GNA14: variants seen among roughly 807,000 people sequenced by gnomAD.
GNA14 encodes guanine nucleotide-binding protein subunit alpha-14.
Under a neutral mutation model 42.0 loss-of-function variants are expected in GNA14, and 50 were observed. That is an observed-to-expected ratio of 1.19 (90% CI 0.95 to 1.51). GNA14 has a LOEUF of 1.51. Among genes scored for constraint, GNA14 ranks in the 40% most tolerant of loss-of-function variants. GNA14 has a pLI of 0.00. For missense variants in GNA14, 473 were observed against 446.2 expected (o/e 1.06, Z -0.54); for synonymous variants, 173 against 163.1 (o/e 1.06, Z -0.46).
intron 2 of GNA14, 71 bp downstream of exon 2, chr9:77,528,998 G>T: frequency 7.8e-7 from 1 of 1,285,856 alleles, no homozygotes; most frequent in Non-Finnish European, 1.1e-6. Flanking sequence ...AGCACTGAGG[G>T]AATCTTTGTG....
chr9:77,437,488 G>A (rs1414183162), intron 2 of GNA14, among the ~76,000 whole-genome samples: 2 of 151,938 alleles, frequency 1.3e-5, no homozygotes, highest in African/African-American at 4.8e-5. Context: ...AGAGGTTGCA[G>A]TGAGACACAG....
At chr9:77,542,370 G>C (rs886750863) in intron 1 of GNA14, among the ~76,000 whole-genome samples, 1 of 152,214 alleles carries the variant, frequency 6.6e-6, no homozygotes, top group Non-Finnish European at 1.5e-5. Flanking sequence ...CTGTGGTGAA[G>C]TTTTACTGGG....
At chr9:77,599,800 A>G (rs1250299665) in intron 1 of GNA14, among the ~76,000 whole-genome samples, 5 of 152,118 alleles carry the variant, frequency 3.3e-5, no homozygotes, top group South Asian at 2.1e-4. Context: ...ACCAAGTTAC[A>G]TTGAGGTTTA....
At chr9:77,509,663 A>G (rs1837127640) in intron 2 of GNA14, among the ~76,000 whole-genome samples, 1 of 152,236 alleles carries the variant, frequency 6.6e-6, no homozygotes, top group African/African-American at 2.4e-5. Context: ...GGTGGAGAAC[A>G]GGATGTGCAG....
At chr9:77,544,220 G>T (rs557085320) in intron 1 of GNA14, among the ~76,000 whole-genome samples, 1 of 152,218 alleles carries the variant, frequency 6.6e-6, no homozygotes, top group African/African-American at 2.4e-5. Context: ...AAAATACAGA[G>T]AATCTTAAGA....
chr9:77,590,245 C>A (rs1012909100), intron 1 of GNA14, among the ~76,000 whole-genome samples: 2 of 152,074 alleles, frequency 1.3e-5, no homozygotes, highest in Admixed American at 1.3e-4. Context: ...CAGCAAAACT[C>A]CCCATCATTT....
intron 1 of GNA14, among the ~76,000 whole-genome samples, chr9:77,565,894 A>C (rs1484394402): frequency 6.6e-6 from 1 of 152,186 alleles, no homozygotes; most frequent in Non-Finnish European, 1.5e-5. Context: ...AGAAGAAAAA[A>C]AGTGCCACAG....
intron 2 of GNA14, among the ~76,000 whole-genome samples, chr9:77,501,501 C>T (rs961239688): frequency 6.6e-6 from 1 of 152,114 alleles, no homozygotes; most frequent in Non-Finnish European, 1.5e-5. Flanking sequence ...TGTATATCTT[C>T]TTCACCGAAA....
chr9:77,541,146 C>T (rs894896586), intron 1 of GNA14, among the ~76,000 whole-genome samples: 2 of 152,022 alleles, frequency 1.3e-5, no homozygotes, highest in Non-Finnish European at 2.9e-5. Context: ...CGTGTGTTTT[C>T]ATGGTGGTAA....
intron 1 of GNA14, among the ~76,000 whole-genome samples, chr9:77,588,051 A>G (rs915151718): frequency 6.6e-5 from 10 of 152,168 alleles, no homozygotes; most frequent in Admixed American, 3.3e-4. Context: ...CAGTCATCAC[A>G]TCGTCTTCTC....
At chr9:77,601,076 G>A (rs913714984) in intron 1 of GNA14, among the ~76,000 whole-genome samples, 1 of 152,250 alleles carries the variant, frequency 6.6e-6, no homozygotes, top group Non-Finnish European at 1.5e-5. Flanking sequence ...GCAGGGGGAG[G>A]AGCGTGGGCT....
intron 2 of GNA14, among the ~76,000 whole-genome samples, chr9:77,511,346 T>G (rs1417135138): frequency 6.6e-6 from 1 of 152,176 alleles, no homozygotes; most frequent in Non-Finnish European, 1.5e-5. Context: ...AAAGGGTTCC[T>G]AAACCTGCAT....
At chr9:77,571,045 G>A (rs1823051004) in intron 1 of GNA14, among the ~76,000 whole-genome samples, 2 of 150,386 alleles carry the variant, frequency 1.3e-5, no homozygotes, top group African/African-American at 2.5e-5. Context: ...TTTTATAGAT[G>A]AGAAAACTGA....
chr9:77,453,386 A>T (rs570014326), intron 2 of GNA14, among the ~76,000 whole-genome samples: 137 of 152,340 alleles, frequency 9.0e-4, no homozygotes, highest in African/African-American at 3.2e-3. Flanking sequence ...AGACTAAGAC[A>T]GATATTAGTC....
At chr9:77,481,472 T>A (rs901241043) in intron 2 of GNA14, among the ~76,000 whole-genome samples, 5 of 152,212 alleles carry the variant, frequency 3.3e-5, no homozygotes, top group Non-Finnish European at 5.9e-5. Context: ...CTTCCAACTC[T>A]GTGGTCAATT....
At chr9:77,525,577 T>C (rs1391041671) in intron 2 of GNA14, among the ~76,000 whole-genome samples, 6 of 151,136 alleles carry the variant, frequency 4.0e-5, no homozygotes, top group Non-Finnish European at 8.9e-5. Context: ...CTCGCTCTGT[T>C]GCCCAGGCTG....
chr9:77,486,082 T>C (rs113162508), intron 2 of GNA14, among the ~76,000 whole-genome samples: 1,974 of 152,350 alleles, frequency 0.013, 19 homozygotes, highest in Non-Finnish European at 0.019. Flanking sequence ...CTGGATGTTG[T>C]CTTCTTCCAA....
In GNA14 at chr9:77,451,765, G is replaced by A. The variant is rs116200863; in HGVS notation, c.310-17243C>T. 6.2e-3 allele frequency among the ~76,000 whole-genome samples: 942 copies of A among 152,290 alleles called. 9 individuals are homozygous for A. Among genetic ancestry groups the A allele is most frequent in the African/African-American group, 0.021 (889 of 41,554 alleles). The stretch of plus-strand genomic sequence containing the variant: ...CAGCCACTCTCCCAAGCAAGAACCC[G>A]AGATTCTTTGTTGTAATCAGGTGCA... On this transcript the variant is annotated intron_variant, in intron 2 of 6. Coordinates refer to ENST00000341700, the MANE Select transcript of GNA14 (RefSeq NM_004297.4).
chr9:77,630,820 C>A (rs930402323), intron 1 of GNA14, among the ~76,000 whole-genome samples: 3 of 152,130 alleles, frequency 2.0e-5, no homozygotes, highest in Admixed American at 6.5e-5. Context: ...GAAAACTCAG[C>A]AGCAGAGAAA....
Sources: gnomAD v4.1 joint callset for allele counts (sites outside exome capture counted in the v4.1 genomes callset) on GRCh38, gnomAD v4.1.1 for gene constraint, MANE v1.5 for transcripts, NCBI Gene and HGNC (gene_info 2026-07-23, HGNC 2026-07-21) for gene names.